SNX32: variants seen among roughly 807,000 people sequenced by gnomAD.
SNX32 encodes the protein sorting nexin-32.
Under a neutral mutation model 57.0 loss-of-function variants are expected in SNX32, and 58 were observed. The observed-to-expected ratio is 1.02, with a 90% CI of 0.82 to 1.27. SNX32 has a LOEUF of 1.27. Ranked by LOEUF, SNX32 falls within the 50% of genes most tolerant of loss-of-function variation. The pLI is 0.00. For missense variants in SNX32, 589 were observed against 541.2 expected (o/e 1.09, Z -0.88); for synonymous variants, 262 against 220.4 (o/e 1.19, Z -1.67).
In SNX32 at chr11:65,851,357, G is replaced by A. The variant is rs1265004549; in HGVS notation, c.739G>A (p.Ala247Thr). ...CLADDYIPIS[A>T]ALSSLGTQEV... ...GGCAGACGATTATATCCCTATCTCA[G>A]CTGCGCTGAGCAGTCTGGGAACACA... The change falls in exon 8 of 13, where the codon GCT becomes ACT. Residue 247 changes from alanine (A) to threonine (T), a missense_variant. Coordinates refer to ENST00000308342, the MANE Select transcript of SNX32 (RefSeq NM_152760.3). The A allele has an allele frequency of 6.2e-7, 1 of 1,614,152 alleles. No homozygotes were observed.
intron 1 of SNX32, among the ~76,000 whole-genome samples, chr11:65,846,007 C>T (rs1399311823): frequency 1.3e-5 from 2 of 152,206 alleles, no homozygotes; most frequent in Admixed American, 6.5e-5. Context: ...CTCAGTGGCT[C>T]ACACCTGTAA....
chr11:65,839,215 A>ATTTTTTTTTTTTTTTTT (rs1555032605), intron 1 of SNX32, among the ~76,000 whole-genome samples: 229 of 19,488 alleles, frequency 0.012, 19 homozygotes, highest in Non-Finnish European at 0.02. Flanking sequence ...CGCCCAGCTA[A>ATTTTTTTTTTTTTTTTT]TTTTTTTGTA....
chr11:65,847,903 C>T (rs981596022), intron 1 of SNX32, among the ~76,000 whole-genome samples: 8 of 147,186 alleles, frequency 5.4e-5, no homozygotes, highest in Non-Finnish European at 8.9e-5. Flanking sequence ...GAGCAAGATG[C>T]TATCAAAAAA....
At chr11:65,846,375 G>A (rs1456294568) in intron 1 of SNX32, among the ~76,000 whole-genome samples, 4 of 151,680 alleles carry the variant, frequency 2.6e-5, no homozygotes, top group Non-Finnish European at 5.9e-5. Flanking sequence ...TTCCAGACCA[G>A]CTTCAACAAG....
At position 65,849,537 on chromosome 11, in the gene SNX32, C is replaced by T. The variant is rs757806151; in HGVS notation, c.96C>T (p.Asp32=). ...GDSSLQVEIS[D]AVSERDKVKF... ...GCTCCTTACAGGTGGAGATTTCTGA[C>T]GCAGTGAGTGAGCGGGACAAGGTGA... Residue 32 remains aspartate (D), a synonymous_variant, in exon 2 of 13, where the codon GAC becomes GAT. Transcript: ENST00000308342. 19 of 1,614,046 alleles carry T rather than the reference C, an allele frequency of 1.2e-5. No individual in the cohort carries two copies. Among genetic ancestry groups the T allele is most frequent in the Admixed American group, 3.3e-5 (2 of 60,004 alleles).
intron 1 of SNX32, among the ~76,000 whole-genome samples, chr11:65,836,989 C>T (rs2134687273): frequency 6.6e-6 from 1 of 152,118 alleles, no homozygotes; most frequent in East Asian, 1.9e-4. Context: ...ATAGGTGCAG[C>T]AAACCAGTAT....
At chr11:65,847,907 CAAAA>C (rs112552000) in intron 1 of SNX32, among the ~76,000 whole-genome samples, 1 of 124,910 alleles carries the variant, frequency 8.0e-6, no homozygotes, top group African/African-American at 2.9e-5. Context: ...AAGATGCTAT[CAAAA>C]AAAAAAAAAA....
chr11:65,834,834 CTG>C (rs57841777), intron 1 of SNX32, among the ~76,000 whole-genome samples: 16,803 of 146,926 alleles, frequency 0.11, 1,060 homozygotes, highest in Non-Finnish European at 0.15. Flanking sequence ...GTGTGTGTGT[CTG>C]TGTATTTCTG....
At chr11:65,847,591 G>A (rs1253305763) in intron 1 of SNX32, among the ~76,000 whole-genome samples, 2 of 151,994 alleles carry the variant, frequency 1.3e-5, no homozygotes, top group Admixed American at 6.6e-5. Context: ...GCACTTTCCT[G>A]TATATAACTT....
rs186042345 is a variant in SNX32 at position 65,851,371 on chromosome 11, T to C, written c.753T>C (p.Ser251=). ...DYIPISAALS[S]LGTQEVNQLR... ...TCCCTATCTCAGCTGCGCTGAGCAG[T>C]CTGGGAACACAGGAAGTCAACCAGC... Residue 251 remains serine (S), a synonymous_variant, in exon 8 of 13, where the codon AGT becomes AGC. Transcript: ENST00000308342. 1.5e-5 allele frequency: 24 copies of C among 1,614,144 alleles called. No homozygotes were observed. In the East Asian group the frequency reaches 5.1e-4, roughly 34 times the overall value.
intron 9 of SNX32, among the ~76,000 whole-genome samples, 185 bp from the exon 10 acceptor site, chr11:65,852,280 C>T (rs1859224388): frequency 6.6e-6 from 1 of 152,166 alleles, no homozygotes; most frequent in Non-Finnish European, 1.5e-5. Flanking sequence ...ACTCAGTCCC[C>T]GAGATCCAGA....
At chr11:65,848,099 A>G (rs770744175) in intron 1 of SNX32, among the ~76,000 whole-genome samples, 1 of 152,128 alleles carries the variant, frequency 6.6e-6, no homozygotes, top group Non-Finnish European at 1.5e-5. Context: ...CTGGACCCAC[A>G]TATCACCAAG....
intron 6 of SNX32, 50 bp from the exon 7 acceptor site, chr11:65,851,005 C>T: frequency 6.4e-7 from 1 of 1,561,324 alleles, no homozygotes; most frequent in South Asian, 1.1e-5. Context: ...CCTGTGTTGT[C>T]AAGCCCCGTG....
In SNX32 at chr11:65,849,514, T is replaced by G; in HGVS notation, c.73T>G (p.Ser25Ala). The G allele has an allele frequency of 6.2e-7, 1 of 1,613,918 alleles. No homozygotes were observed. Among genetic ancestry groups the G allele is most frequent in the Non-Finnish European group, 8.5e-7 (1 of 1,179,864 alleles). Reference sequence around the variant, plus strand: ...ATCGGTGGATCTGCAGGGAGACAGCTCCTTACAGGTGGAGATTTCTGACGC... The same window carrying G: ...ATCGGTGGATCTGCAGGGAGACAGCGCCTTACAGGTGGAGATTTCTGACGC... ...CASVDLQGDS[S>A]LQVEISDAVS... The change falls in exon 2 of 13, where the codon TCC (serine) becomes GCC (alanine). Residue 25 changes from serine (S) to alanine (A), a missense_variant. Transcript: ENST00000308342.
Position 65,852,539 on chromosome 11 carries a change from A to T in SNX32, c.900A>T (p.Ser300=), listed in dbSNP as rs773488083. Residue 300 remains serine, a synonymous_variant, in exon 10 of 13, where the codon TCA becomes TCT. Coordinates refer to ENST00000308342, the MANE Select transcript of SNX32 (RefSeq NM_152760.3). The part of the protein sequence containing the change: ...SDMLRYYMRD[S]QAAKDLLYRR... Reference sequence around the variant, plus strand: ...TGCTGAGGTACTACATGCGTGACTCACAGGCAGCCAAGGTGAGAGGCAGCC... The same window carrying T: ...TGCTGAGGTACTACATGCGTGACTCTCAGGCAGCCAAGGTGAGAGGCAGCC... The T allele has an allele frequency of 6.2e-7, 1 of 1,614,174 alleles. No homozygotes were observed. Among genetic ancestry groups the T allele is most frequent in the Middle Eastern group, 1.6e-4 (1 of 6,062 alleles).
In SNX32 at chr11:65,850,794, T is replaced by C; in HGVS notation, c.542T>C (p.Phe181Ser). 6.2e-7 allele frequency: 1 copy of C among 1,614,000 alleles called. No homozygotes were observed. The highest frequency in any genetic ancestry group is 1.3e-5 in the African/African-American group (1 of 74,990). The change falls in exon 6 of 13, where the codon TTT (phenylalanine) becomes TCT (serine). Residue 181 changes from phenylalanine (F) to serine (S), a missense_variant. Transcript: ENST00000308342. ...GKNRKELLGGFLRNIVKSADE... is the reference protein window; with the variant it reads ...GKNRKELLGGSLRNIVKSADE... ...AACAGGAAGGAGCTCCTCGGAGGGTTTCTGAGGAATATTGTGAAGTCCGCG... is the reference window on the plus strand; with the variant it reads ...AACAGGAAGGAGCTCCTCGGAGGGTCTCTGAGGAATATTGTGAAGTCCGCG...
chr11:65,852,301 C>G (rs566951997), intron 9 of SNX32, among the ~76,000 whole-genome samples, 164 bp from the exon 10 acceptor site: 1 of 152,174 alleles, frequency 6.6e-6, no homozygotes, highest in Non-Finnish European at 1.5e-5. Context: ...CTAGATCCCA[C>G]TTCCTCTGTG....
At chr11:65,847,907 C>CAAA (rs112552000) in intron 1 of SNX32, among the ~76,000 whole-genome samples, 14 of 124,910 alleles carry the variant, frequency 1.1e-4, no homozygotes, top group African/African-American at 3.2e-4. Context: ...AAGATGCTAT[C>CAAA]AAAAAAAAAA....
At chr11:65,847,203 C>T (rs886114029) in intron 1 of SNX32, among the ~76,000 whole-genome samples, 15 of 151,834 alleles carry the variant, frequency 9.9e-5, no homozygotes, top group African/African-American at 3.6e-4. Flanking sequence ...AGATGGGGGT[C>T]GAAGGGTGTC....
Sources: allele counts gnomAD v4.1 joint callset (sites outside exome capture counted in the v4.1 genomes callset), GRCh38; gene constraint gnomAD v4.1.1; transcripts MANE v1.5; gene names NCBI Gene and HGNC (gene_info 2026-07-23, HGNC 2026-07-21).